Variants in ADGRB1 observed in about 807,000 individuals in gnomAD.
ADGRB1 encodes the protein brain-specific angiogenesis inhibitor 1.
Under a neutral mutation model 175.7 loss-of-function variants are expected in ADGRB1, and 36 were observed. The observed-to-expected ratio is 0.20, with a 90% CI of 0.16 to 0.27. ADGRB1 has a LOEUF of 0.27. ADGRB1 is among the 10% of genes least tolerant of loss of function. The pLI is 1.00. For missense variants in ADGRB1, 1,731 were observed against 2,255.3 expected (o/e 0.77, Z 4.71); for synonymous variants, 1,054 against 979.4 (o/e 1.08, Z -1.42).
At chr8:142,463,202 G>A (rs1840064735) in intron 1 of ADGRB1, among the ~76,000 whole-genome samples, 1 of 152,152 alleles carries the variant, frequency 6.6e-6, no homozygotes, top group South Asian at 2.1e-4. Flanking sequence ...CCCTCCCCAG[G>A]CCCTGTGCCT....
At chr8:142,524,620 TG>T (rs1306841165) in intron 23 of ADGRB1, among the ~76,000 whole-genome samples, 1 of 152,142 alleles carries the variant, frequency 6.6e-6, no homozygotes, top group Non-Finnish European at 1.5e-5. Context: ...GGGAGGAAGC[TG>T]GGGATGGACG....
chr8:142,500,051 G>T (rs1215741956), intron 17 of ADGRB1, among the ~76,000 whole-genome samples: 1 of 152,146 alleles, frequency 6.6e-6, no homozygotes, highest in African/African-American at 2.4e-5. Context: ...CCATGTCTGA[G>T]CCTCCCTCAG....
chr8:142,491,378 C>T (rs1277016219), intron 17 of ADGRB1, among the ~76,000 whole-genome samples: 2 of 152,202 alleles, frequency 1.3e-5, no homozygotes, highest in African/African-American at 4.8e-5. Context: ...TGTGGGGTTC[C>T]GCAAGGAGCA....
chr8:142,526,525 C>CCCA lies in ADGRB1; in HGVS notation c.3313-17_3313-16insCCA. Reference sequence around the variant, plus strand: ...GCGGCCCCCACCCCCACACCCCCACCACTCTCTGCCCGGCAGGTGAACATG... The same window carrying CCCA: ...GCGGCCCCCACCCCCACACCCCCACCCCAACTCTCTGCCCGGCAGGTGAACATG... On this transcript the variant is annotated splice_polypyrimidine_tract_variant and intron_variant, in intron 23 of 30. Transcript: ENST00000517894. 5 of 1,560,248 alleles carry CCCA rather than the reference C, an allele frequency of 3.2e-6. No homozygotes were observed. Among genetic ancestry groups the CCCA allele is most frequent in the Non-Finnish European group, 4.4e-6 (5 of 1,147,496 alleles).
intron 19 of ADGRB1, among the ~76,000 whole-genome samples, chr8:142,520,541 TGTGATGATG>T (rs1258063285): frequency 9.2e-5 from 13 of 140,886 alleles, no homozygotes; most frequent in South Asian, 4.6e-4. Context: ...GTAGTGATTG[TGTGATGATG>T]GTGATGATGG....
rs1359258820 is a variant in ADGRB1, at chr8:142,510,685, G to A, written c.2676-247G>A. Among the ~76,000 whole-genome samples, 1 of 145,218 alleles carries A rather than the reference G, an allele frequency of 6.9e-6. No individual in the cohort carries two copies. The highest frequency in any genetic ancestry group is 2.5e-5 in the African/African-American group (1 of 40,492). On this transcript the variant is annotated intron_variant, in intron 17 of 30. Coordinates refer to ENST00000517894, the MANE Select transcript of ADGRB1 (RefSeq NM_001702.3). This position sits in a 1 kb window ranked among gnomAD's most constrained non-coding sequence, Gnocchi z 6.3. ...CGATCGCTCGGCTCCCCCGCCCGGC[G>A]CTCCCTCGGGCTGCGCTCCGCGGCT...
chr8:142,471,895 C>G (rs1840688346), intron 2 of ADGRB1, among the ~76,000 whole-genome samples: 1 of 152,236 alleles, frequency 6.6e-6, no homozygotes, highest in Non-Finnish European at 1.5e-5. Flanking sequence ...TGCAGGGGGC[C>G]CTGGTCTAGG....
In ADGRB1 at chr8:142,474,377, T is replaced by C. The variant is rs1266391116; in HGVS notation, c.785-1097T>C. Among the ~76,000 whole-genome samples, 1 of 152,152 alleles carries C rather than the reference T, an allele frequency of 6.6e-6. No homozygotes were observed. The highest frequency in any genetic ancestry group is 1.5e-5 in the Non-Finnish European group (1 of 68,010). On this transcript the variant is annotated intron_variant, in intron 2 of 30. Coordinates refer to ENST00000517894, the MANE Select transcript of ADGRB1 (RefSeq NM_001702.3). The surrounding 1 kb of genome is among the most constrained non-coding windows in gnomAD (Gnocchi z 5.8). Reference sequence around the variant, plus strand: ...GCCGCCAGCTGTCTCCTCGCCACCGTAGCCAGGAGCAGCACTTGGCAAGGG... The same window carrying C: ...GCCGCCAGCTGTCTCCTCGCCACCGCAGCCAGGAGCAGCACTTGGCAAGGG...
At chr8:142,457,806 AC>A (rs1261092968) in intron 1 of ADGRB1, among the ~76,000 whole-genome samples, 17 of 151,796 alleles carry the variant, frequency 1.1e-4, no homozygotes. Flanking sequence ...ATGGCTCTGA[AC>A]CCCTGAGACA....
At chr8:142,475,035 A>G (rs1349750738) in intron 2 of ADGRB1, among the ~76,000 whole-genome samples, 1 of 152,130 alleles carries the variant, frequency 6.6e-6, no homozygotes, top group African/African-American at 2.4e-5. Flanking sequence ...CGCTGAGCCC[A>G]TGAGGAAACT....
At chr8:142,523,019 G>A (rs375996682) in intron 22 of ADGRB1, among the ~76,000 whole-genome samples, 7 of 152,380 alleles carry the variant, frequency 4.6e-5, no homozygotes, top group East Asian at 1.9e-4. Flanking sequence ...CCATCTGTTC[G>A]GTGGGGAGCC....
intron 15 of ADGRB1, 109 bp from the exon 16 acceptor site, chr8:142,489,227 T>C: frequency 1.3e-6 from 2 of 1,545,728 alleles, no homozygotes; most frequent in Non-Finnish European, 1.8e-6. Context: ...GATGATGGGC[T>C]GTGGAGGGTG....
chr8:142,516,883 A>T (rs1433506907), intron 18 of ADGRB1, among the ~76,000 whole-genome samples: 1 of 152,084 alleles, frequency 6.6e-6, no homozygotes, highest in Non-Finnish European at 1.5e-5. Context: ...TGTAGAAGCG[A>T]TGTCAGCCTG....
chr8:142,537,168 C>T lies in ADGRB1; in HGVS notation c.3666+86C>T. 1 of 1,089,732 alleles carries T rather than the reference C, an allele frequency of 9.2e-7. No homozygotes were observed. Among genetic ancestry groups the T allele is most frequent in the South Asian group, 1.9e-5 (1 of 52,560 alleles). The allele number at this position is 1,089,732 out of a possible 1,614,324, so 67.5% of individuals were successfully genotyped here. ...CTCCAGGCCCTCACCGTGCCCCAAG[C>T]TCCCCTAGGCCCCAGCAACCCTGCT... On this transcript the variant is annotated intron_variant, in intron 26 of 30. Coordinates refer to ENST00000517894, the MANE Select transcript of ADGRB1 (RefSeq NM_001702.3). This position sits in a 1 kb window ranked among gnomAD's most constrained non-coding sequence, Gnocchi z 4.6.
Position 142,539,376 on chromosome 8 carries a change from C to T in ADGRB1, c.3669C>T (p.Thr1223=), listed in dbSNP as rs762780472. Residue 1223 remains threonine, a splice_region_variant and synonymous_variant, in exon 27 of 31, where the codon ACC becomes ACT. Transcript: ENST00000517894. ...GCCCTGTTGTCTCTGTCCTACAGAC[C>T]GACTTCGAGAAGGACGTGGATCTGG... is the stretch of plus-strand genomic sequence containing the variant. ...SFQNGHAQLM[T]DFEKDVDLAC... 3.4e-5 allele frequency: 54 copies of T among 1,590,800 alleles called. No individual in the cohort carries two copies. Among genetic ancestry groups the T allele is most frequent in the Non-Finnish European group, 4.4e-5 (52 of 1,169,662 alleles).
Position 142,533,425 on chromosome 8 carries a change from G to A in ADGRB1, c.3529G>A (p.Gly1177Ser). Residue 1177 changes from glycine to serine, a missense_variant, in exon 25 of 31, where the codon GGC becomes AGC. Coordinates refer to ENST00000517894, the MANE Select transcript of ADGRB1 (RefSeq NM_001702.3). ...ILFAVFDSLE[G>S]FVIVMVHCIL... is the part of the protein sequence containing the mutation. ...CTTCGCTGTCTTCGACTCGCTGGAG[G>A]GCTTCGTCATCGTCATGGTGCACTG... is the stretch of plus-strand genomic sequence containing the variant. 1.2e-6 allele frequency: 2 copies of A among 1,612,510 alleles called. No individual in the cohort carries two copies. Among genetic ancestry groups the A allele is most frequent in the Non-Finnish European group, 1.7e-6 (2 of 1,179,256 alleles).
At chr8:142,467,616 C>A (rs938366992) in intron 2 of ADGRB1, among the ~76,000 whole-genome samples, 5 of 152,168 alleles carry the variant, frequency 3.3e-5, no homozygotes, top group African/African-American at 9.7e-5. Context: ...GAACAGGCAG[C>A]TCTGACAACT....
intron 17 of ADGRB1, among the ~76,000 whole-genome samples, chr8:142,496,311 T>G (rs1450627122): frequency 9.3e-5 from 11 of 118,540 alleles, no homozygotes; most frequent in African/African-American, 2.0e-4. Context: ...CAGATGGAGG[T>G]ATGGATGGGT....
intron 1 of ADGRB1, among the ~76,000 whole-genome samples, chr8:142,450,451 G>T (rs1017396866): frequency 6.6e-6 from 1 of 152,130 alleles, no homozygotes; most frequent in African/African-American, 2.4e-5. Flanking sequence ...CACATGCACA[G>T]GGCAGGCTGG....
Sources: gnomAD v4.1 joint callset for allele counts (sites outside exome capture counted in the v4.1 genomes callset) on GRCh38, gnomAD v4.1.1 for gene constraint, Gnocchi (gnomAD v3.1) non-coding constraint, MANE v1.5 for transcripts, NCBI Gene and HGNC (gene_info 2026-07-23, HGNC 2026-07-21) for gene names.